DRD2: variants seen among roughly 807,000 people sequenced by gnomAD.
DRD2 encodes dopamine receptor D2, also known as D(2) dopamine receptor.
In DRD2, 8 loss-of-function variants were observed where a neutral mutation model predicts 38.0. That is an observed-to-expected ratio of 0.21 (90% CI 0.12 to 0.38). The LOEUF (loss-of-function observed/expected upper bound fraction) is 0.38. Ranked by LOEUF, DRD2 falls within the 10% of genes least tolerant of loss-of-function variation. The pLI, the probability that DRD2 is intolerant of heterozygous loss-of-function variation, is 1.00. For synonymous variants in DRD2, 230 were observed against 238.6 expected, an observed-to-expected ratio of 0.96 and a Z score of 0.33; for missense variants, 403 against 607.7, an observed-to-expected ratio of 0.66 and a Z score of 3.54.
At chr11:113,460,161 G>C (rs1003568403) in intron 1 of DRD2, among the ~76,000 whole-genome samples, 5 of 152,240 alleles carry the variant, frequency 3.3e-5, no homozygotes, top group African/African-American at 1.2e-4. Flanking sequence ...CAGACAAGCT[G>C]CTCATTTCAA....
At chr11:113,425,326 T>C (rs561185245) in intron 1 of DRD2, among the ~76,000 whole-genome samples, 2 of 152,168 alleles carry the variant, frequency 1.3e-5, no homozygotes, top group South Asian at 2.1e-4. Flanking sequence ...GGTAAAGAAC[T>C]AGGAGTCAGC....
chr11:113,433,994 C>T (rs1951014049), intron 1 of DRD2, among the ~76,000 whole-genome samples: 1 of 152,208 alleles, frequency 6.6e-6, no homozygotes, highest in Admixed American at 6.5e-5. Flanking sequence ...TAACCCTAAG[C>T]CCCTTCCTGC....
chr11:113,416,763 C>T, intron 4 of DRD2, 100 bp downstream of exon 4: 1 of 1,527,700 alleles, frequency 6.5e-7, no homozygotes, highest in Non-Finnish European at 8.9e-7. Context: ...CATTGGGCCT[C>T]CACCCATATC....
chr11:113,419,129 T>G (rs1383298634), intron 2 of DRD2, among the ~76,000 whole-genome samples: 2 of 152,248 alleles, frequency 1.3e-5, no homozygotes, highest in Admixed American at 6.5e-5. Context: ...TTCCTAGTCC[T>G]GCTCTGGCCC....
At chr11:113,418,565 G>A (rs1271369834) in intron 2 of DRD2, among the ~76,000 whole-genome samples, 1 of 152,144 alleles carries the variant, frequency 6.6e-6, no homozygotes, top group African/African-American at 2.4e-5. Context: ...CAGACCCAGA[G>A]AGAGACTTAC....
intron 1 of DRD2, among the ~76,000 whole-genome samples, chr11:113,427,356 T>G (rs1232283378): frequency 6.6e-6 from 1 of 151,894 alleles, no homozygotes; most frequent in African/African-American, 2.4e-5. Flanking sequence ...ACCCATATCC[T>G]CCTGCCTGAG....
At position 113,451,531 on chromosome 11, in the gene DRD2, A is replaced by G. The variant is rs373032905; in HGVS notation, c.-32+23545T>C. 1.2e-4 allele frequency among the ~76,000 whole-genome samples: 18 copies of G among 152,184 alleles called. No individual in the cohort carries two copies. In the East Asian group the frequency reaches 1.7e-3, roughly 15 times the overall value. On this transcript the variant is annotated intron_variant, in intron 1 of 7. Transcript: ENST00000362072. ...TTTTGAGATGGAATCTTGCTCTGTCACCCAGGCTGGAGTGCAGTGGCACAA... is the reference window on the plus strand; with the variant it reads ...TTTTGAGATGGAATCTTGCTCTGTCGCCCAGGCTGGAGTGCAGTGGCACAA...
chr11:113,465,497 C>T (rs1951360291), intron 1 of DRD2, among the ~76,000 whole-genome samples: 1 of 152,164 alleles, frequency 6.6e-6, no homozygotes, highest in African/African-American at 2.4e-5. Context: ...CCCAATCCTT[C>T]AAGTTGGCTT....
In DRD2 at chr11:113,417,456, T is replaced by C. The variant is rs187588015; in HGVS notation, c.396-457A>G. Among the ~76,000 whole-genome samples the C allele has an allele frequency of 1.9e-3, 282 of 152,352 alleles. 1 individual carries two copies. Among genetic ancestry groups the C allele is most frequent in the Non-Finnish European group, 3.3e-3 (227 of 68,032 alleles). The stretch of plus-strand genomic sequence containing the variant: ...GTCTACAATCCTTCATCACATTTTT[T>C]TTTTTACCCAGCCCTTCTCATTCAT... On this transcript the variant is annotated intron_variant, in intron 3 of 7. Transcript: ENST00000362072.
At chr11:113,419,967 C>T (rs367959736) in intron 2 of DRD2, among the ~76,000 whole-genome samples, 47 of 152,340 alleles carry the variant, frequency 3.1e-4, no homozygotes, top group African/African-American at 1.0e-3. Flanking sequence ...TGTGCTGCTG[C>T]GCTGACCAGT....
At chr11:113,464,174 G>A (rs1371640319) in intron 1 of DRD2, among the ~76,000 whole-genome samples, 5 of 152,128 alleles carry the variant, frequency 3.3e-5, no homozygotes, top group African/African-American at 1.2e-4. Context: ...GAGAGGAATG[G>A]GTTCCATGAG....
intron 1 of DRD2, among the ~76,000 whole-genome samples, chr11:113,444,037 T>C (rs1951117791): frequency 6.6e-6 from 1 of 152,162 alleles, no homozygotes; most frequent in Admixed American, 6.5e-5. Context: ...TTTGTTGTTG[T>C]TGTTGTTTGT....
At chr11:113,433,710 T>C (rs570459953) in intron 1 of DRD2, among the ~76,000 whole-genome samples, 1 of 152,292 alleles carries the variant, frequency 6.6e-6, no homozygotes, top group South Asian at 2.1e-4. Flanking sequence ...TGGTGGTCTC[T>C]GGCTGTGTCT....
chr11:113,426,748 T>G (rs574846787), intron 1 of DRD2, among the ~76,000 whole-genome samples: 78 of 152,320 alleles, frequency 5.1e-4, no homozygotes, highest in South Asian at 6.2e-4. Flanking sequence ...TAATTCCATG[T>G]GGGGTGACAT....
intron 3 of DRD2, 37 bp downstream of exon 3, chr11:113,417,990 T>C: frequency 6.4e-7 from 1 of 1,553,786 alleles, no homozygotes; most frequent in South Asian, 1.1e-5. Flanking sequence ...GAATGGTGAG[T>C]GGCCAGAGCA....
intron 2 of DRD2, 77 bp downstream of exon 2, chr11:113,424,290 T>A: frequency 6.6e-7 from 1 of 1,516,320 alleles, no homozygotes. Context: ...TAAAAGCCAG[T>A]GGGGAGCTAG....
intron 1 of DRD2, among the ~76,000 whole-genome samples, chr11:113,436,791 G>GCGCC (rs1565669329): frequency 2.6e-5 from 4 of 152,108 alleles, no homozygotes; most frequent in Non-Finnish European, 2.9e-5. Flanking sequence ...CCTCACCCCA[G>GCGCC]CGCCCATCCC....
chr11:113,432,408 A>C (rs1333428183), intron 1 of DRD2, among the ~76,000 whole-genome samples: 3 of 151,922 alleles, frequency 2.0e-5, no homozygotes, highest in Non-Finnish European at 4.4e-5. Flanking sequence ...CCCTGGATGC[A>C]GCATAAACCC....
At chr11:113,468,013 G>T (rs1258811655) in intron 1 of DRD2, among the ~76,000 whole-genome samples, 1 of 152,216 alleles carries the variant, frequency 6.6e-6, no homozygotes, top group Non-Finnish European at 1.5e-5. Flanking sequence ...ACAGCTCAAA[G>T]TGTTGTTTCT....
Sources: allele counts gnomAD v4.1 joint callset (sites outside exome capture counted in the v4.1 genomes callset), GRCh38; gene constraint gnomAD v4.1.1; transcripts MANE v1.5; gene names NCBI Gene and HGNC (gene_info 2026-07-23, HGNC 2026-07-21).